The following NINJ2 variants were observed in gnomAD, a reference collection of about 807,000 sequenced individuals.
The protein encoded by NINJ2 is ninjurin-2.
A neutral mutation model predicts 11.7 loss-of-function variants in NINJ2; 12 were observed. That is an observed-to-expected ratio of 1.02 (90% confidence interval 0.66 to 1.66). The LOEUF is 1.66. Ranked by LOEUF, NINJ2 falls within the 40% of genes most tolerant of loss-of-function variation. The pLI is 0.00. For synonymous variants in NINJ2, 93 were observed against 76.8 expected, an observed-to-expected ratio of 1.21 and a Z score of -1.10; for missense variants, 187 against 181.8, an observed-to-expected ratio of 1.03 and a Z score of -0.16.
chr12:660,128 G>GA lies in NINJ2; in HGVS notation c.33+3199dup, dbSNP rs34927965. Among the ~76,000 whole-genome samples the GA allele has an allele frequency of 1.2e-3, 185 of 148,168 alleles. 1 individual carries two copies. Among genetic ancestry groups the GA allele is most frequent in the East Asian group, 3.8e-3 (19 of 5,054 alleles). On this transcript the variant is annotated intron_variant, in intron 1 of 3. Transcript: ENST00000305108. ...AGTGAGACCCCAATCACTAAAAAAAGAAAAAAAAAATTAGCTGGGCATGGT... is the reference window on the plus strand; with the variant it reads ...AGTGAGACCCCAATCACTAAAAAAAGAAAAAAAAAAATTAGCTGGGCATGGT...
At chr12:662,637 C>G (rs1032346627) in intron 1 of NINJ2, among the ~76,000 whole-genome samples, 1 of 152,130 alleles carries the variant, frequency 6.6e-6, no homozygotes, top group African/African-American at 2.4e-5. Flanking sequence ...CTATTCTATC[C>G]ATTGGCAAGG....
intron 1 of NINJ2, among the ~76,000 whole-genome samples, chr12:576,748 G>T (rs1294622812): frequency 6.6e-6 from 1 of 152,236 alleles, no homozygotes; most frequent in African/African-American, 2.4e-5. Context: ...TCATCTCGGG[G>T]TTCAGAGTTA....
intron 1 of NINJ2, among the ~76,000 whole-genome samples, chr12:618,792 G>T: frequency 6.6e-6 from 1 of 152,190 alleles, no homozygotes; most frequent in East Asian, 1.9e-4. Context: ...TTGGTTACCG[G>T]GAGCCCTTGA....
chr12:651,941 A>G (rs1262115400), intron 1 of NINJ2, among the ~76,000 whole-genome samples: 2 of 152,222 alleles, frequency 1.3e-5, no homozygotes, highest in African/African-American at 2.4e-5. Context: ...CAGACTATTC[A>G]AGAACTGTGG....
At chr12:565,524 G>A in intron 2 of NINJ2, 123 bp from the exon 3 acceptor site, 1 of 1,049,722 alleles carries the variant, frequency 9.5e-7, no homozygotes, top group Non-Finnish European at 1.4e-6. Context: ...CAGAAATCAA[G>A]GGAGGTGGTC....
chr12:602,090 C>A (rs774188290), intron 1 of NINJ2, among the ~76,000 whole-genome samples: 1 of 152,188 alleles, frequency 6.6e-6, no homozygotes, highest in African/African-American at 2.4e-5. Flanking sequence ...GACTGAGGAA[C>A]CCCATGCATA....
chr12:653,564 A>G (rs1937828078), intron 1 of NINJ2, among the ~76,000 whole-genome samples: 1 of 152,118 alleles, frequency 6.6e-6, no homozygotes, highest in South Asian at 2.1e-4. Flanking sequence ...GTGCACTTGG[A>G]TTTGTTGTAC....
At chr12:646,401 T>C (rs531423740) in intron 1 of NINJ2, among the ~76,000 whole-genome samples, 1 of 152,242 alleles carries the variant, frequency 6.6e-6, no homozygotes, top group African/African-American at 2.4e-5. Flanking sequence ...CAGCCCAGGA[T>C]CCCATTTACA....
chr12:567,657 G>C (rs748936408), intron 1 of NINJ2, among the ~76,000 whole-genome samples: 11 of 152,112 alleles, frequency 7.2e-5, no homozygotes, highest in African/African-American at 1.2e-4. Context: ...TTTACACATA[G>C]GCTAACTGAT....
At chr12:629,916 T>TATATATATATATATATATATAC (rs147102413) in intron 1 of NINJ2, among the ~76,000 whole-genome samples, 43 of 72,980 alleles carry the variant, frequency 5.9e-4, no homozygotes, top group South Asian at 1.2e-3. Context: ...TATATATATA[T>TATATATATATATATATATATAC]ATATATGAAG....
At chr12:571,866 G>A (rs1296327751) in intron 1 of NINJ2, among the ~76,000 whole-genome samples, 1 of 152,218 alleles carries the variant, frequency 6.6e-6, no homozygotes, top group Admixed American at 6.5e-5. Flanking sequence ...GGCCATGGAG[G>A]TTGGGTAAAC....
chr12:618,381 G>GAGT (rs1948118766), intron 1 of NINJ2, among the ~76,000 whole-genome samples: 1 of 150,446 alleles, frequency 6.6e-6, no homozygotes, highest in Non-Finnish European at 1.5e-5. Context: ...TGGGGGTGAG[G>GAGT]GGGGAGTGTT....
At chr12:578,371 T>G (rs1310583934) in intron 1 of NINJ2, among the ~76,000 whole-genome samples, 1 of 152,018 alleles carries the variant, frequency 6.6e-6, no homozygotes, top group East Asian at 1.9e-4. Context: ...CAGGCTGGAG[T>G]GCAGTGGTGC....
chr12:571,530 CCCT>C (rs1947376850), intron 1 of NINJ2, among the ~76,000 whole-genome samples: 1 of 152,248 alleles, frequency 6.6e-6, no homozygotes, highest in South Asian at 2.1e-4. Context: ...CTCTTCCGCG[CCCT>C]CCTCTCTCGT....
At chr12:629,593 A>G (rs1160696441) in intron 1 of NINJ2, among the ~76,000 whole-genome samples, 1 of 152,058 alleles carries the variant, frequency 6.6e-6, no homozygotes, top group Admixed American at 6.5e-5. Context: ...GTCTTAAAAC[A>G]TTATGAGTTC....
At chr12:649,491 A>G (rs1260860892) in intron 1 of NINJ2, among the ~76,000 whole-genome samples, 1 of 145,902 alleles carries the variant, frequency 6.9e-6, no homozygotes. Flanking sequence ...TTTATTTTTT[A>G]TGGTAATCAG....
In NINJ2 at chr12:565,219, G is replaced by T; in HGVS notation, c.*16C>A. 6.2e-7 allele frequency: 1 copy of T among 1,606,802 alleles called. No individual in the cohort carries two copies. The highest frequency in any genetic ancestry group is 1.7e-5 in the Admixed American group (1 of 59,524). ...GGGGTTCCTCCATCCTCCCTCACCT[G>T]GGTCCCAGGCTGCATTCAGAGAGGA... On this transcript the variant is annotated splice_region_variant and 3_prime_UTR_variant, in exon 3 of 4. Coordinates refer to ENST00000305108, the MANE Select transcript of NINJ2 (RefSeq NM_016533.6).
chr12:596,331 A>G (rs1308963497), intron 1 of NINJ2, among the ~76,000 whole-genome samples: 1 of 152,230 alleles, frequency 6.6e-6, no homozygotes, highest in Admixed American at 6.5e-5. Flanking sequence ...TGTAGAACAT[A>G]CAACAGCAGG....
chr12:645,667 T>C (rs970368338), intron 1 of NINJ2: 1 of 152,194 alleles, frequency 6.6e-6, no homozygotes, highest in African/African-American at 2.4e-5. Flanking sequence ...CAGTTGACAT[T>C]TGCCCTCTTT....
Sources: gnomAD v4.1 joint callset for allele counts (sites outside exome capture counted in the v4.1 genomes callset) on GRCh38, gnomAD v4.1.1 for gene constraint, MANE v1.5 for transcripts, NCBI Gene and HGNC (gene_info 2026-07-23, HGNC 2026-07-21) for gene names.